Variants in MTERF4 observed in about 807,000 individuals in gnomAD.
MTERF4 encodes the protein transcription termination factor 4, mitochondrial.
A neutral mutation model predicts 22.5 loss-of-function variants in MTERF4; 17 were observed. The observed-to-expected ratio is 0.75, with a 90% CI of 0.52 to 1.13. The LOEUF (loss-of-function observed/expected upper bound fraction) is 1.13, where lower values mean the gene tolerates loss of function less well. Ranked by LOEUF, MTERF4 falls within the 50% of genes most tolerant of loss-of-function variation. The pLI is 0.00. For missense variants in MTERF4, 420 were observed against 466.8 expected, an observed-to-expected ratio of 0.90 and a Z score of 0.92; for synonymous variants, 165 against 175.3, an observed-to-expected ratio of 0.94 and a Z score of 0.47.
chr2:241,069,060 C>A, downstream of MTERF4: 1 of 1,410,236 alleles, frequency 7.1e-7, no homozygotes, highest in Non-Finnish European at 9.7e-7. This position sits in a 1 kb window ranked among gnomAD's most constrained non-coding sequence, Gnocchi z 4.9. Flanking sequence ...ACACGAAAGG[C>A]CGTCTTCTAG....
downstream of MTERF4, chr2:241,070,245 C>T: frequency 6.4e-7 from 1 of 1,550,868 alleles, no homozygotes. Context: ...CAGTGTTTGC[C>T]AGCCCTCCAC....
chr2:241,077,992 T>TAG (rs2063109552), intron 4 of MTERF4, among the ~76,000 whole-genome samples: 1 of 151,462 alleles, frequency 6.6e-6, no homozygotes, highest in Admixed American at 6.6e-5. Flanking sequence ...CCAAGAGAAA[T>TAG]GAAAACCTAT....
chr2:241,049,866 C>T, the MTERF4 span: 1 of 1,613,868 alleles, frequency 6.2e-7, no homozygotes, highest in Non-Finnish European at 8.5e-7. Context: ...GAGGCTCCTG[C>T]GATGCCCATG....
chr2:241,062,429 T>TGG, the MTERF4 span, among the ~76,000 whole-genome samples: 1 of 152,258 alleles, frequency 6.6e-6, no homozygotes, highest in Non-Finnish European at 1.5e-5. Context: ...CCAGATGGAC[T>TGG]GGTTTCACAG....
chr2:241,075,617 G>A lies in MTERF4; in HGVS notation n.545C>T, dbSNP rs1035905923. ...TGTTTTGATACTGATCCTTTGTCAG[G>A]TCTGTGTTCTGCAGGTATCTTCCTC... On this transcript the variant is annotated non_coding_transcript_exon_variant, in exon 5 of 5. Transcript: ENST00000464344. The surrounding 1 kb of genome is among the most constrained non-coding windows in gnomAD (Gnocchi z 4.8). 1.3e-5 allele frequency: 2 copies of A among 151,628 alleles called. No individual in the cohort carries two copies. Among genetic ancestry groups the A allele is most frequent in the Non-Finnish European group, 2.9e-5 (2 of 67,958 alleles). The allele number at this position is 151,628 out of a possible 1,614,324, so 9.4% of individuals were successfully genotyped here.
At chr2:241,089,338 C>T (rs1175857781), downstream of MTERF4, 1 of 1,550,632 alleles carries the variant, frequency 6.4e-7, no homozygotes, top group African/African-American at 1.4e-5. Context: ...CAAGCCACTT[C>T]AAAACAGGTC....
chr2:241,056,690 C>T, the MTERF4 span, among the ~76,000 whole-genome samples: 2 of 149,752 alleles, frequency 1.3e-5, no homozygotes, highest in Non-Finnish European at 1.5e-5. Context: ...ACGCCATTCT[C>T]CTGCCTCAGC....
At chr2:241,088,549 C>G, downstream of MTERF4, 2 of 681,508 alleles carry the variant, frequency 2.9e-6, no homozygotes, top group South Asian at 3.4e-5. Flanking sequence ...GTTACAGACT[C>G]CCGGGCAGGA....
the MTERF4 span, among the ~76,000 whole-genome samples, chr2:241,054,802 G>T: frequency 6.6e-6 from 1 of 152,194 alleles, no homozygotes; most frequent in Non-Finnish European, 1.5e-5. Context: ...AAAGAAGCAG[G>T]GAAAGATAAA....
the MTERF4 span, chr2:241,053,340 C>T: frequency 1.3e-6 from 2 of 1,551,886 alleles, no homozygotes; most frequent in Non-Finnish European, 1.7e-6. Flanking sequence ...ATTCTGTGGG[C>T]CCTTGGGGTG....
chr2:241,068,830 TG>T, downstream of MTERF4: 1 of 984,124 alleles, frequency 1.0e-6, no homozygotes, highest in Non-Finnish European at 1.5e-6. The surrounding 1 kb of genome is among the most constrained non-coding windows in gnomAD (Gnocchi z 5.3). Flanking sequence ...ACCTCCTGCC[TG>T]GGGGAGCTGC....
downstream of MTERF4, among the ~76,000 whole-genome samples, chr2:241,085,542 T>C (rs2063531558): frequency 6.6e-6 from 1 of 152,218 alleles, no homozygotes; most frequent in Non-Finnish European, 1.5e-5. Flanking sequence ...CCTCATCTGC[T>C]ATTTCTGTCA....
At chr2:241,079,719 T>A (rs1156720436) in intron 4 of MTERF4, among the ~76,000 whole-genome samples, 1 of 152,200 alleles carries the variant, frequency 6.6e-6, no homozygotes, top group Non-Finnish European at 1.5e-5. Flanking sequence ...CTAGTTATCA[T>A]GTGGATGGCA....
the MTERF4 span, among the ~76,000 whole-genome samples, chr2:241,056,308 A>T: frequency 6.6e-6 from 1 of 152,176 alleles, no homozygotes; most frequent in Non-Finnish European, 1.5e-5. Flanking sequence ...TAGAAACAGG[A>T]TCTCATGGTG....
intron 4 of MTERF4, chr2:241,081,842 C>T (rs1452867032): frequency 3.6e-6 from 5 of 1,394,930 alleles, no homozygotes; most frequent in Admixed American, 2.0e-5. Context: ...CAGCCTGTGC[C>T]TCAGCCTAGG....
At chr2:241,068,013 G>A (rs2062535208), downstream of MTERF4, 1 of 1,439,734 alleles carries the variant, frequency 6.9e-7, no homozygotes, top group Non-Finnish European at 9.5e-7. This position sits in a 1 kb window ranked among gnomAD's most constrained non-coding sequence, Gnocchi z 5.3. Flanking sequence ...GGGACACGGG[G>A]CCCAGGTCTC....
chr2:241,050,700 C>CT, the MTERF4 span, among the ~76,000 whole-genome samples: 3 of 152,198 alleles, frequency 2.0e-5, no homozygotes, highest in African/African-American at 7.2e-5. Flanking sequence ...TTTGCAAGCT[C>CT]TGACGAGGTC....
At chr2:241,069,024 G>A (rs1233578626), downstream of MTERF4, 9 of 1,547,184 alleles carry the variant, frequency 5.8e-6, no homozygotes, top group Non-Finnish European at 6.1e-6. This position sits in a 1 kb window ranked among gnomAD's most constrained non-coding sequence, Gnocchi z 4.9. Context: ...GTGTGGACCC[G>A]TGAGTAGAGC....
downstream of MTERF4, chr2:241,092,215 C>T (rs923136382): frequency 6.6e-6 from 1 of 152,172 alleles, no homozygotes; most frequent in Non-Finnish European, 1.5e-5. This position sits in a 1 kb window ranked among gnomAD's most constrained non-coding sequence, Gnocchi z 4.6. Context: ...TCGTGCAGGT[C>T]GACGAGCCAT....
Sources: allele counts gnomAD v4.1 joint callset (sites outside exome capture counted in the v4.1 genomes callset), GRCh38; gene constraint gnomAD v4.1.1; non-coding constraint Gnocchi (gnomAD v3.1); transcripts MANE v1.5; gene names NCBI Gene and HGNC (gene_info 2026-07-23, HGNC 2026-07-21).